The following RAB18 variants were observed in gnomAD, a reference collection of about 807,000 sequenced individuals.
The protein encoded by RAB18 is ras-related protein Rab-18.
In RAB18, 10 loss-of-function variants were observed where a neutral mutation model predicts 28.5. The ratio of observed to expected loss-of-function variants is 0.35; its 90% confidence interval spans 0.22 to 0.60. The LOEUF is 0.60. RAB18 is among the 20% of genes least tolerant of loss of function. RAB18 has a pLI of 0.78. For missense variants in RAB18, 188 were observed against 244.2 expected (o/e 0.77, Z 1.53); for synonymous variants, 93 against 86.9 (o/e 1.07, Z -0.39).
At chr10:27,523,134 A>G (rs1008975779) in intron 2 of RAB18, among the ~76,000 whole-genome samples, 6 of 152,074 alleles carry the variant, frequency 3.9e-5, no homozygotes, top group African/African-American at 1.4e-4. Flanking sequence ...GTTTAGTGCT[A>G]TAAATGTTCC....
At chr10:27,535,079 ATGAC>A (rs545020411) in intron 6 of RAB18, among the ~76,000 whole-genome samples, 26 of 152,304 alleles carry the variant, frequency 1.7e-4, no homozygotes, top group African/African-American at 6.0e-4. Context: ...GGGAGAGAGA[ATGAC>A]TGGAGTGGGG....
intron 2 of RAB18, among the ~76,000 whole-genome samples, chr10:27,516,072 G>T (rs1012764458): frequency 6.6e-6 from 1 of 151,710 alleles, no homozygotes; most frequent in African/African-American, 2.4e-5. Context: ...CGTTCTTCCT[G>T]CTTTTCTTTT....
intron 3 of RAB18, among the ~76,000 whole-genome samples, chr10:27,530,072 G>A (rs535533603): frequency 1.2e-4 from 18 of 152,032 alleles, no homozygotes; most frequent in Admixed American, 9.8e-4. Flanking sequence ...TTTCATTAAG[G>A]CAGTTTTTGA....
chr10:27,528,088 T>G (rs915538929), intron 3 of RAB18, among the ~76,000 whole-genome samples: 1 of 152,146 alleles, frequency 6.6e-6, no homozygotes, highest in Admixed American at 6.5e-5. Context: ...GGGCCTGATT[T>G]CCATATGCTT....
At chr10:27,511,226 CAG>C (rs1834316301) in intron 2 of RAB18, among the ~76,000 whole-genome samples, 2 of 152,192 alleles carry the variant, frequency 1.3e-5, no homozygotes, top group East Asian at 1.9e-4. Context: ...ATTTTCGAGA[CAG>C]AGTCTAGCTC....
Position 27,542,184 on chromosome 10 carries a change from C to T in RAB18, c.*4133C>T, listed in dbSNP as rs1010251740. On this transcript the variant is annotated 3_prime_UTR_variant, in exon 7 of 7. Transcript: ENST00000356940. Reference sequence around the variant, plus strand: ...GATCAAATTGGACCTGAATTGAGATCTATTTCTCAGCTTTCACTTATGTGA... The same window carrying T: ...GATCAAATTGGACCTGAATTGAGATTTATTTCTCAGCTTTCACTTATGTGA... 1.3e-5 allele frequency: 6 copies of T among 453,990 alleles called. No individual in the cohort carries two copies. Among genetic ancestry groups the T allele is most frequent in the Non-Finnish European group, 2.6e-5 (6 of 226,802 alleles). The allele number at this position is 453,990 out of a possible 1,614,324, so 28.1% of individuals were successfully genotyped here.
At chr10:27,525,452 A>G (rs895941224) in intron 2 of RAB18, among the ~76,000 whole-genome samples, 1 of 151,582 alleles carries the variant, frequency 6.6e-6, no homozygotes, top group African/African-American at 2.4e-5. Context: ...AGCAATAGGA[A>G]GAAAATGTAG....
intron 2 of RAB18, among the ~76,000 whole-genome samples, chr10:27,520,936 A>C (rs1451936019): frequency 6.7e-6 from 1 of 150,244 alleles, no homozygotes; most frequent in African/African-American, 2.4e-5. Context: ...AAAAAAAAAA[A>C]AAAAAGAAAA....
chr10:27,532,602 T>C, intron 4 of RAB18, 23 bp downstream of exon 4: 1 of 1,491,464 alleles, frequency 6.7e-7, no homozygotes, highest in Non-Finnish European at 9.3e-7. Flanking sequence ...TTTAATGTAC[T>C]ATTTAAAAAT....
rs772255801 is a variant in RAB18 at position 27,538,809 on chromosome 10, AC to A, written c.*759del. 4.4e-4 allele frequency: 200 copies of A among 454,046 alleles called. 1 individual carries two copies. The highest frequency in any genetic ancestry group is 1.8e-3 in the South Asian group (114 of 64,478). 28.1% of individuals were successfully genotyped at this position (454,046 alleles called of 1,614,324 possible). ...TTTCCCCCATTTTGGTTTCAGGAGG[AC>A]ATGAATAGTGTGTTTATTGTAACTC... On this transcript the variant is annotated 3_prime_UTR_variant, in exon 7 of 7. Transcript: ENST00000356940.
At position 27,533,960 on chromosome 10, in the gene RAB18, G is replaced by C. The variant is rs779043957; in HGVS notation, c.411G>C (p.Leu137=). The C allele has an allele frequency of 3.0e-5, 48 of 1,608,168 alleles. No individual in the cohort carries two copies. The South Asian group carries it at 5.2e-4, about 17-fold the overall frequency. Reference sequence around the variant, plus strand: ...GTGAAGTCGATAGAAATGAAGGCCTGAAATTTGCACGAAAGCATTCCATGT... The same window carrying C: ...GTGAAGTCGATAGAAATGAAGGCCTCAAATTTGCACGAAAGCATTCCATGT... ...ENREVDRNEG[L]KFARKHSMLF... Residue 137 remains leucine (L), a synonymous_variant, in exon 6 of 7, where the codon CTG becomes CTC. Transcript: ENST00000356940.
At chr10:27,505,059 A>G (rs765942217) in intron 1 of RAB18, 2 of 533,524 alleles carry the variant, frequency 3.7e-6, no homozygotes, top group East Asian at 5.4e-5. Context: ...GCCGTGGGCC[A>G]CCTTTGAAAA....
intron 3 of RAB18, among the ~76,000 whole-genome samples, chr10:27,528,567 C>T (rs1039512536): frequency 3.3e-5 from 5 of 152,158 alleles, no homozygotes; most frequent in Middle Eastern, 6.8e-3. Flanking sequence ...ACCACCTCAC[C>T]CCCACTCATA....
Position 27,539,873 on chromosome 10 carries a change from T to A in RAB18, c.*1822T>A, listed in dbSNP as rs939527922. Reference sequence around the variant, plus strand: ...TATATACATTTCCCTATTACTCTCATCAGCTGAAGAATATGTACTATTGTG... The same window carrying A: ...TATATACATTTCCCTATTACTCTCAACAGCTGAAGAATATGTACTATTGTG... On this transcript the variant is annotated 3_prime_UTR_variant, in exon 7 of 7. Transcript: ENST00000356940. 8 of 453,836 alleles carry A rather than the reference T, an allele frequency of 1.8e-5. No homozygotes were observed. The highest frequency in any genetic ancestry group is 3.5e-5 in the Non-Finnish European group (8 of 226,712). 28.1% of individuals were successfully genotyped at this position (453,836 alleles called of 1,614,324 possible). A position where few individuals can be genotyped will look rare whatever the true frequency, so the allele number is the denominator to read the frequency against.
At chr10:27,536,072 ACT>A (rs72483858) in intron 6 of RAB18, among the ~76,000 whole-genome samples, 63,377 of 149,056 alleles carry the variant, frequency 0.43, 14,170 homozygotes, top group Non-Finnish European at 0.51. Context: ...ACAGAGCGAG[ACT>A]CTGTCTCAAA....
intron 2 of RAB18, among the ~76,000 whole-genome samples, chr10:27,519,381 A>G (rs1300017224): frequency 2.0e-5 from 3 of 152,074 alleles, no homozygotes; most frequent in Non-Finnish European, 2.9e-5. Context: ...GAGGAACAAA[A>G]TAAGAATATA....
chr10:27,510,686 A>G (rs1372986138), intron 2 of RAB18, among the ~76,000 whole-genome samples: 1 of 152,226 alleles, frequency 6.6e-6, no homozygotes, highest in Non-Finnish European at 1.5e-5. Flanking sequence ...CACTTAACTT[A>G]CTAACTTCAT....
intron 3 of RAB18, among the ~76,000 whole-genome samples, chr10:27,530,281 G>A (rs1162784887): frequency 6.6e-6 from 1 of 152,038 alleles, no homozygotes. Context: ...AGTGTTCCAT[G>A]TATGGAAAAA....
At position 27,538,973 on chromosome 10, in the gene RAB18, C is replaced by A. The variant is rs1459576311; in HGVS notation, c.*922C>A. On this transcript the variant is annotated 3_prime_UTR_variant, in exon 7 of 7. Transcript: ENST00000356940. ...ATAATGGCTAGTTGATATTCAAAAA[C>A]CTATTTCTGTGTTTTGAGGGGTGGG... 2 of 443,632 alleles carry A rather than the reference C, an allele frequency of 4.5e-6. No homozygotes were observed. The highest frequency in any genetic ancestry group is 4.0e-5 in the African/African-American group (2 of 49,484). 27.5% of individuals were successfully genotyped at this position (443,632 alleles called of 1,614,324 possible).
Sources: allele counts gnomAD v4.1 joint callset (sites outside exome capture counted in the v4.1 genomes callset), GRCh38; gene constraint gnomAD v4.1.1; transcripts MANE v1.5; gene names NCBI Gene and HGNC (gene_info 2026-07-23, HGNC 2026-07-21).